The following SYNDIG1 variants were observed in gnomAD, a reference collection of about 807,000 sequenced individuals.
The protein encoded by SYNDIG1 is synapse differentiation-inducing gene protein 1.
SYNDIG1 carries 9 observed loss-of-function variants against 19.4 expected under a neutral mutation model. That is an observed-to-expected ratio of 0.46 (90% CI 0.28 to 0.81). SYNDIG1 has a LOEUF of 0.81. Ranked by LOEUF, SYNDIG1 falls within the 30% of genes least tolerant of loss-of-function variation. The pLI is 0.12. For missense variants in SYNDIG1, 311 were observed against 343.3 expected (o/e 0.91, Z 0.74); for synonymous variants, 141 against 145.9 (o/e 0.97, Z 0.24).
At chr20:24,608,939 C>G (rs2058804754) in intron 3 of SYNDIG1, among the ~76,000 whole-genome samples, 1 of 152,176 alleles carries the variant, frequency 6.6e-6, no homozygotes, top group Admixed American at 6.5e-5. Flanking sequence ...TGTCTGGACT[C>G]ACATGTATGT....
chr20:24,474,611 G>A (rs987273710), intron 1 of SYNDIG1, among the ~76,000 whole-genome samples: 1 of 152,210 alleles, frequency 6.6e-6, no homozygotes, highest in African/African-American at 2.4e-5. Context: ...GTTTTTAGTT[G>A]TTAACTGAAT....
intron 1 of SYNDIG1, among the ~76,000 whole-genome samples, chr20:24,490,091 T>C (rs542416404): frequency 4.6e-5 from 7 of 152,286 alleles, no homozygotes; most frequent in East Asian, 3.9e-4. Context: ...CAGGATACCT[T>C]TGGGGCCCTG....
chr20:24,529,856 A>AAT (rs2057207376), intron 1 of SYNDIG1, among the ~76,000 whole-genome samples: 1 of 123,112 alleles, frequency 8.1e-6, no homozygotes, highest in African/African-American at 3.0e-5. Context: ...TCCTTCTGAC[A>AAT]GTGTCAGTGG....
At chr20:24,542,128 A>T (rs1444505484) in intron 1 of SYNDIG1, among the ~76,000 whole-genome samples, 3 of 152,262 alleles carry the variant, frequency 2.0e-5, no homozygotes, top group Non-Finnish European at 4.4e-5. Flanking sequence ...GATCCCTTTC[A>T]TTCATACTTA....
intron 1 of SYNDIG1, among the ~76,000 whole-genome samples, chr20:24,486,090 G>A (rs1030617070): frequency 6.6e-6 from 1 of 152,210 alleles, no homozygotes; most frequent in African/African-American, 2.4e-5. Context: ...ATTCAGCCAG[G>A]GAGGGTCACC....
At chr20:24,584,622 G>A (rs996151190) in intron 2 of SYNDIG1, among the ~76,000 whole-genome samples, 8 of 152,150 alleles carry the variant, frequency 5.3e-5, no homozygotes, top group South Asian at 2.1e-4. Context: ...CAAGAGCCCC[G>A]TACTTGGCAT....
intron 1 of SYNDIG1, among the ~76,000 whole-genome samples, chr20:24,541,950 C>T (rs2057477101): frequency 6.6e-6 from 1 of 152,118 alleles, no homozygotes; most frequent in Admixed American, 6.5e-5. Context: ...GCGGATGAAC[C>T]CAGGCCCAGG....
intron 1 of SYNDIG1, among the ~76,000 whole-genome samples, chr20:24,488,722 G>T: frequency 6.6e-6 from 1 of 152,202 alleles, no homozygotes; most frequent in Admixed American, 6.5e-5. Context: ...TCTCATTGAT[G>T]AGCTCAGTGG....
intron 1 of SYNDIG1, among the ~76,000 whole-genome samples, chr20:24,483,964 T>C (rs545162600): frequency 6.6e-6 from 1 of 152,250 alleles, no homozygotes; most frequent in East Asian, 1.9e-4. Flanking sequence ...ATAAGGGGTC[T>C]TCTCGGCAGA....
At chr20:24,570,923 T>G (rs191905106) in intron 2 of SYNDIG1, among the ~76,000 whole-genome samples, 27 of 152,356 alleles carry the variant, frequency 1.8e-4, no homozygotes, top group African/African-American at 6.5e-4. Flanking sequence ...ATCGTGTTAC[T>G]TATTATGGAC....
chr20:24,497,231 C>G (rs192082270), intron 1 of SYNDIG1, among the ~76,000 whole-genome samples: 26 of 152,222 alleles, frequency 1.7e-4, no homozygotes, highest in African/African-American at 6.0e-4. Context: ...GAGACAGGGT[C>G]TCTCTGTGCT....
At chr20:24,621,783 A>T (rs1385150605) in intron 3 of SYNDIG1, among the ~76,000 whole-genome samples, 1 of 152,204 alleles carries the variant, frequency 6.6e-6, no homozygotes, top group East Asian at 1.9e-4. Flanking sequence ...TTGAAAAACC[A>T]CAAGACATAT....
intron 3 of SYNDIG1, among the ~76,000 whole-genome samples, chr20:24,639,483 A>T (rs1406305492): frequency 3.3e-5 from 5 of 152,294 alleles, no homozygotes; most frequent in South Asian, 4.1e-4. Context: ...ATCTCCGGGG[A>T]TGGGAGACAG....
chr20:24,520,412 C>T (rs2056979465), intron 1 of SYNDIG1, among the ~76,000 whole-genome samples: 1 of 152,084 alleles, frequency 6.6e-6, no homozygotes, highest in Non-Finnish European at 1.5e-5. Flanking sequence ...CCAGTAAGTT[C>T]AGGCCAGGTG....
At chr20:24,588,358 C>CA (rs2058451503) in intron 3 of SYNDIG1, among the ~76,000 whole-genome samples, 1 of 152,348 alleles carries the variant, frequency 6.6e-6, no homozygotes, top group East Asian at 1.9e-4. Context: ...CATGAAGTAG[C>CA]ATAACAGTAG....
At chr20:24,613,694 C>T (rs2058884199) in intron 3 of SYNDIG1, among the ~76,000 whole-genome samples, 1 of 152,202 alleles carries the variant, frequency 6.6e-6, no homozygotes, top group African/African-American at 2.4e-5. Context: ...TCCCAGAGCC[C>T]TTCTAGACTG....
In SYNDIG1 at chr20:24,584,712, A is replaced by C. The variant is rs192952163; in HGVS notation, c.481-144A>C. On this transcript the variant is annotated intron_variant, in intron 2 of 3. Transcript: ENST00000376862. ...AGGCTGTGTACTTGCAGCAATAACG[A>C]TGACTCGAACAACGTCAGCAACTGC... 460 of 1,107,768 alleles carry C rather than the reference A, an allele frequency of 4.2e-4. 1 individual carries two copies. In the African/African-American group the frequency reaches 6.5e-3, roughly 16 times the overall value. 68.6% of individuals were successfully genotyped at this position (1,107,768 alleles called of 1,614,324 possible).
At chr20:24,645,427 G>A (rs565939768) in intron 3 of SYNDIG1, among the ~76,000 whole-genome samples, 1 of 152,246 alleles carries the variant, frequency 6.6e-6, no homozygotes, top group African/African-American at 2.4e-5. Flanking sequence ...CTGCCGGATA[G>A]GATGCTGATG....
In SYNDIG1 at chr20:24,476,578, G is replaced by A. The variant is rs2055632756; in HGVS notation, c.-79+6825G>A. ...CCACCTACTCAGGAGGCTGAGGCAG[G>A]AGAATGGCGTGAACCTGGGAAGTGG... is the stretch of plus-strand genomic sequence containing the variant. On this transcript the variant is annotated intron_variant, in intron 1 of 3. Coordinates refer to ENST00000376862, the MANE Select transcript of SYNDIG1 (RefSeq NM_024893.3). 3.3e-5 allele frequency among the ~76,000 whole-genome samples: 5 copies of A among 151,960 alleles called. No homozygotes were observed. The South Asian group carries it at 1.0e-3, about 32-fold the overall frequency.
Sources: gnomAD v4.1 joint callset for allele counts (sites outside exome capture counted in the v4.1 genomes callset) on GRCh38, gnomAD v4.1.1 for gene constraint, MANE v1.5 for transcripts, NCBI Gene and HGNC (gene_info 2026-07-23, HGNC 2026-07-21) for gene names.